Variants in IFT52 observed in about 807,000 individuals in gnomAD.
IFT52 encodes the protein intraflagellar transport 52.
IFT52 carries 44 observed loss-of-function variants against 54.4 expected under a neutral mutation model. The observed-to-expected ratio is 0.81, with a 90% confidence interval of 0.63 to 1.04. The LOEUF (loss-of-function observed/expected upper bound fraction) is 1.04, where lower values mean the gene tolerates loss of function less well. Ranked by LOEUF, IFT52 falls within the 50% of genes least tolerant of loss-of-function variation. The pLI is 0.00. For missense variants in IFT52, 452 were observed against 523.6 expected (o/e 0.86, Z 1.33); for synonymous variants, 181 against 185.3 (o/e 0.98, Z 0.19).
At chr20:43,595,877 ACT>A (rs1346791295) in intron 2 of IFT52, among the ~76,000 whole-genome samples, 1 of 152,154 alleles carries the variant, frequency 6.6e-6, no homozygotes, top group Non-Finnish European at 1.5e-5. Context: ...ACAGAGGGAG[ACT>A]CTGTCAAAAA....
intron 6 of IFT52, among the ~76,000 whole-genome samples, chr20:43,606,859 CCT>C: frequency 6.6e-6 from 1 of 152,250 alleles, no homozygotes; most frequent in South Asian, 2.1e-4. Context: ...TCCATTTAAC[CCT>C]GAGTGGACAC....
At position 43,591,809 on chromosome 20, in the gene IFT52, G is replaced by A. The variant is rs111805248; in HGVS notation, c.-7+755G>A. ...TCCTGGCTACTTGGTAGGCTGAGGC[G>A]GCAGGATCCCTTGAGCCCAGGAGTC... On this transcript the variant is annotated intron_variant, in intron 1 of 13. Coordinates refer to ENST00000373030, the MANE Select transcript of IFT52 (RefSeq NM_016004.5). Among the ~76,000 whole-genome samples the A allele has an allele frequency of 3.3e-3, 506 of 152,166 alleles. 1 individual carries two copies. Among genetic ancestry groups the A allele is most frequent in the Non-Finnish European group, 6.0e-3 (405 of 67,998 alleles).
intron 7 of IFT52, among the ~76,000 whole-genome samples, chr20:43,616,277 C>A (rs1233328896): frequency 6.6e-6 from 1 of 151,760 alleles, no homozygotes; most frequent in Non-Finnish European, 1.5e-5. Context: ...GAGGTCAAGG[C>A]GGGCAAATCA....
chr20:43,644,421 G>A lies in IFT52; in HGVS notation c.1266+1797G>A, dbSNP rs1986097037. Among the ~76,000 whole-genome samples, 2 of 59,008 alleles carry A rather than the reference G, an allele frequency of 3.4e-5. 1 individual carries two copies. The highest frequency in any genetic ancestry group is 8.2e-5 in the Non-Finnish European group (2 of 24,502). The allele number at this position is 59,008 out of a possible 152,430, so 38.7% of individuals were successfully genotyped here. ...CTCAGTGCCACATTATTTTATAGAA[G>A]AAAAATCTTCATCAATAGGGAACTG... On this transcript the variant is annotated intron_variant, in intron 13 of 13. Coordinates refer to ENST00000373030, the MANE Select transcript of IFT52 (RefSeq NM_016004.5).
chr20:43,619,801 A>C (rs1984136473), intron 8 of IFT52, among the ~76,000 whole-genome samples: 1 of 152,116 alleles, frequency 6.6e-6, no homozygotes, highest in African/African-American at 2.4e-5. Flanking sequence ...TGAGAGAAAG[A>C]AACGCCTTAT....
chr20:43,600,266 A>C (rs547263734), intron 3 of IFT52, among the ~76,000 whole-genome samples: 245 of 151,108 alleles, frequency 1.6e-3, no homozygotes, highest in African/African-American at 5.3e-3. Flanking sequence ...CGGTGATGTG[A>C]TTTTTCCAAA....
chr20:43,621,294 A>G (rs1468652662), intron 9 of IFT52, among the ~76,000 whole-genome samples: 1 of 152,188 alleles, frequency 6.6e-6, no homozygotes, highest in African/African-American at 2.4e-5. Context: ...GTTGTAAACT[A>G]TAATTTTGTT....
intron 8 of IFT52, among the ~76,000 whole-genome samples, chr20:43,619,500 A>G (rs1347517914): frequency 6.6e-6 from 1 of 152,022 alleles, no homozygotes; most frequent in Non-Finnish European, 1.5e-5. Flanking sequence ...TGGAAAGTGG[A>G]AAGGAGGAGG....
At chr20:43,613,535 A>G (rs1443374619) in intron 6 of IFT52, among the ~76,000 whole-genome samples, 1 of 152,232 alleles carries the variant, frequency 6.6e-6, no homozygotes, top group African/African-American at 2.4e-5. Flanking sequence ...TAATCCCAGC[A>G]CTTTGGGAGG....
chr20:43,611,025 C>T (rs1568741276), intron 6 of IFT52, among the ~76,000 whole-genome samples: 1 of 152,168 alleles, frequency 6.6e-6, no homozygotes, highest in African/African-American at 2.4e-5. Context: ...TAGTGCCCTA[C>T]TTGTTGTTGC....
At chr20:43,600,550 C>T (rs1422532384) in intron 3 of IFT52, among the ~76,000 whole-genome samples, 1 of 152,048 alleles carries the variant, frequency 6.6e-6, no homozygotes, top group African/African-American at 2.4e-5. Context: ...GTGATCCGCC[C>T]GCCTTGGCCT....
chr20:43,639,610 C>T (rs997536266), intron 12 of IFT52, among the ~76,000 whole-genome samples: 3 of 152,032 alleles, frequency 2.0e-5, no homozygotes, highest in Non-Finnish European at 2.9e-5. Flanking sequence ...TTGGAAGTTG[C>T]GGTGAGCCGA....
intron 3 of IFT52, among the ~76,000 whole-genome samples, chr20:43,601,613 T>G (rs1376597171): frequency 6.6e-6 from 1 of 152,210 alleles, no homozygotes; most frequent in African/African-American, 2.4e-5. Flanking sequence ...CTCATTGCAT[T>G]TAGGCAACAT....
At chr20:43,598,936 C>T (rs1396903730) in intron 3 of IFT52, among the ~76,000 whole-genome samples, 2 of 152,096 alleles carry the variant, frequency 1.3e-5, no homozygotes, top group African/African-American at 4.8e-5. Flanking sequence ...AGGTCTCCTG[C>T]TGTTACTCTG....
intron 9 of IFT52, among the ~76,000 whole-genome samples, chr20:43,621,833 G>A (rs1253809449): frequency 1.3e-5 from 2 of 152,194 alleles, no homozygotes; most frequent in Non-Finnish European, 2.9e-5. Context: ...TGGTTGTGTG[G>A]GCTAAGTTAA....
At chr20:43,604,300 C>A in intron 5 of IFT52, 42 bp downstream of exon 5, 2 of 1,397,904 alleles carry the variant, frequency 1.4e-6, no homozygotes, top group South Asian at 1.2e-5. Context: ...AAGGCATCGT[C>A]GCTCACACCT....
rs1279446792 is a variant in IFT52, at chr20:43,612,293, G to C, written c.486-1557G>C. ...CTGGGATACTGCTGGAGTAAGGGTA[G>C]AAGGTGGAGTTTGGAGAATGTGGGC... On this transcript the variant is annotated intron_variant, in intron 6 of 13. Transcript: ENST00000373030. Among the ~76,000 whole-genome samples the C allele has an allele frequency of 3.9e-5, 6 of 152,058 alleles. No individual in the cohort carries two copies. In the South Asian group the frequency reaches 8.3e-4, roughly 21 times the overall value.
intron 3 of IFT52, among the ~76,000 whole-genome samples, chr20:43,599,290 C>T (rs775864218): frequency 3.8e-4 from 58 of 152,260 alleles, no homozygotes; most frequent in Middle Eastern, 3.4e-3. Context: ...GCCTCAGGAA[C>T]ACAGGGGCAT....
At chr20:43,635,419 C>T (rs1053675645) in intron 10 of IFT52, among the ~76,000 whole-genome samples, 2 of 152,074 alleles carry the variant, frequency 1.3e-5, no homozygotes, top group Non-Finnish European at 2.9e-5. Context: ...GCCTCAGCCT[C>T]CTGAGTAGCT....
Sources: allele counts gnomAD v4.1 joint callset (sites outside exome capture counted in the v4.1 genomes callset), GRCh38; gene constraint gnomAD v4.1.1; transcripts MANE v1.5; gene names NCBI Gene and HGNC (gene_info 2026-07-23, HGNC 2026-07-21).